The following CNTNAP5 variants were observed in gnomAD, a reference collection of about 807,000 sequenced individuals.
CNTNAP5 encodes contactin-associated protein-like 5.
In CNTNAP5, 72 loss-of-function variants were observed where a neutral mutation model predicts 150.2. That is an observed-to-expected ratio of 0.48 (90% confidence interval 0.40 to 0.58). The LOEUF is 0.58. Among genes scored for constraint, CNTNAP5 ranks in the 20% least tolerant of loss-of-function variants. The pLI is 0.00. For missense variants in CNTNAP5, 1,636 were observed against 1,626.2 expected (o/e 1.01, Z -0.10); for synonymous variants, 672 against 619.8 (o/e 1.08, Z -1.25).
At chr2:124,340,135 A>G (rs1689574744) in intron 3 of CNTNAP5, among the ~76,000 whole-genome samples, 2 of 152,142 alleles carry the variant, frequency 1.3e-5, no homozygotes, top group African/African-American at 4.8e-5. Context: ...ATTTTTACAA[A>G]GGGAGATTAG....
chr2:124,132,305 T>C (rs1304169874), intron 1 of CNTNAP5, among the ~76,000 whole-genome samples: 2 of 152,182 alleles, frequency 1.3e-5, no homozygotes, highest in African/African-American at 4.8e-5. Context: ...AATCCTTTTG[T>C]TGGCTTCATA....
At chr2:124,470,518 G>T (rs557423517) in intron 6 of CNTNAP5, among the ~76,000 whole-genome samples, 11 of 152,228 alleles carry the variant, frequency 7.2e-5, no homozygotes, top group Admixed American at 7.2e-4. Context: ...TTTGTAGGCT[G>T]TCTGCTTGCT....
At chr2:124,347,286 T>G (rs887363194) in intron 3 of CNTNAP5, among the ~76,000 whole-genome samples, 3 of 152,132 alleles carry the variant, frequency 2.0e-5, no homozygotes, top group Admixed American at 6.5e-5. Flanking sequence ...AGCTAAGGCG[T>G]TCTCCAGTAG....
At chr2:124,263,618 A>G (rs1403836038) in intron 3 of CNTNAP5, among the ~76,000 whole-genome samples, 1 of 152,090 alleles carries the variant, frequency 6.6e-6, no homozygotes, top group African/African-American at 2.4e-5. Flanking sequence ...CGCTGATGGT[A>G]GTTTCTTTTG....
At chr2:124,841,759 G>A (rs1344771293) in intron 19 of CNTNAP5, among the ~76,000 whole-genome samples, 2 of 152,134 alleles carry the variant, frequency 1.3e-5, no homozygotes, top group Non-Finnish European at 2.9e-5. Flanking sequence ...GTTGTATGTG[G>A]ATGGAAGGTT....
intron 19 of CNTNAP5, among the ~76,000 whole-genome samples, chr2:124,857,944 G>A (rs1322057165): frequency 6.6e-6 from 1 of 152,130 alleles, no homozygotes; most frequent in African/African-American, 2.4e-5. Flanking sequence ...ATAAAAATAA[G>A]TACTATGAGA....
chr2:124,316,820 A>G (rs28440055), intron 3 of CNTNAP5, among the ~76,000 whole-genome samples: 1 of 150,368 alleles, frequency 6.7e-6, no homozygotes, highest in South Asian at 2.1e-4. Context: ...AAAAAAAAAA[A>G]AAAAAAAAGA....
intron 2 of CNTNAP5, among the ~76,000 whole-genome samples, chr2:124,232,250 G>A (rs975313478): frequency 1.3e-5 from 2 of 152,158 alleles, no homozygotes; most frequent in East Asian, 1.9e-4. Flanking sequence ...GTTTATAACA[G>A]CAATTTACAA....
intron 8 of CNTNAP5, among the ~76,000 whole-genome samples, chr2:124,516,661 C>G (rs1694725906): frequency 6.6e-6 from 1 of 152,188 alleles, no homozygotes; most frequent in Non-Finnish European, 1.5e-5. Context: ...GTGTGGCTGT[C>G]ATGGCCTAGG....
intron 1 of CNTNAP5, among the ~76,000 whole-genome samples, chr2:124,063,203 A>G (rs1402605240): frequency 6.6e-6 from 1 of 152,104 alleles, no homozygotes; most frequent in Non-Finnish European, 1.5e-5. Context: ...ATACTAATTT[A>G]TGAGCAGGTA....
chr2:124,464,312 G>A (rs1008074400), intron 6 of CNTNAP5, among the ~76,000 whole-genome samples: 5 of 152,048 alleles, frequency 3.3e-5, no homozygotes, highest in Non-Finnish European at 5.9e-5. Context: ...CTGTGTCTGG[G>A]TAAGAAATCA....
intron 3 of CNTNAP5, among the ~76,000 whole-genome samples, chr2:124,259,939 G>A (rs898356282): frequency 2.6e-5 from 4 of 152,102 alleles, no homozygotes; most frequent in Non-Finnish European, 5.9e-5. Flanking sequence ...TGGCCATACT[G>A]CCCAAGGTAA....
Position 124,049,827 on chromosome 2 carries a change from C to T in CNTNAP5, c.82+24095C>T, listed in dbSNP as rs76911878. 8.4e-3 allele frequency among the ~76,000 whole-genome samples: 1,272 copies of T among 152,248 alleles called. 19 individuals carry two copies. The highest frequency in any genetic ancestry group is 0.028 in the African/African-American group (1,159 of 41,536). On this transcript the variant is annotated intron_variant, in intron 1 of 23. Transcript: ENST00000682447. ...TAAAGCCTGGAGAATCCTAATCAAA[C>T]TCTGAGTCAGGCAGATTCAATGTCT... is the stretch of plus-strand genomic sequence containing the variant.
intron 11 of CNTNAP5, among the ~76,000 whole-genome samples, chr2:124,598,852 C>T (rs1573486720): frequency 6.6e-6 from 1 of 152,116 alleles, no homozygotes; most frequent in South Asian, 2.1e-4. Context: ...TGTGGTGCGC[C>T]GTTTTTTAAG....
At chr2:124,569,589 C>A (rs1463357498) in intron 11 of CNTNAP5, among the ~76,000 whole-genome samples, 2 of 152,196 alleles carry the variant, frequency 1.3e-5, no homozygotes, top group Non-Finnish European at 2.9e-5. Context: ...TGTCCTTGAT[C>A]TTCTCGATGT....
At chr2:124,855,072 A>G (rs1369520509) in intron 19 of CNTNAP5, among the ~76,000 whole-genome samples, 1 of 151,972 alleles carries the variant, frequency 6.6e-6, no homozygotes. Flanking sequence ...ATAATAATAC[A>G]TACATAATAA....
chr2:124,140,221 C>T (rs1374854590), intron 1 of CNTNAP5, among the ~76,000 whole-genome samples: 3 of 150,064 alleles, frequency 2.0e-5, no homozygotes, highest in South Asian at 2.1e-4. Flanking sequence ...GAGGGGCGCC[C>T]GCCATTGCCC....
At chr2:124,205,305 C>A (rs1685834172) in intron 1 of CNTNAP5, among the ~76,000 whole-genome samples, 1 of 152,158 alleles carries the variant, frequency 6.6e-6, no homozygotes, top group African/African-American at 2.4e-5. Flanking sequence ...ACTTTTCTCT[C>A]CTGCCACCAA....
In CNTNAP5 at chr2:124,902,998, A is replaced by C. The variant is rs1224467433; in HGVS notation, c.3553A>C (p.Thr1185Pro). ...APLKAALRHA[T>P]VAPVTVHGTL... ...ACTGAAGGCTGCCCTGCGCCATGCC[A>C]CTGTCGCGCCTGTGACTGTCCATGG... Residue 1185 changes from threonine (T) to proline (P), a missense_variant, in exon 22 of 24, where the codon ACT (threonine) becomes CCT (proline). By Grantham distance (38) the Thr-to-Pro change is conservative (BLOSUM62 -1). Transcript: ENST00000682447. 2.5e-6 allele frequency: 4 copies of C among 1,612,320 alleles called. No individual in the cohort carries two copies. The highest frequency in any genetic ancestry group is 3.4e-6 in the Non-Finnish European group (4 of 1,179,166).
Sources: allele counts gnomAD v4.1 joint callset (sites outside exome capture counted in the v4.1 genomes callset), GRCh38; gene constraint gnomAD v4.1.1; transcripts MANE v1.5; gene names NCBI Gene and HGNC (gene_info 2026-07-23, HGNC 2026-07-21).